Variants in DNAH12 observed in about 807,000 individuals in gnomAD.
DNAH12 encodes the protein axonemal beta dynein heavy chain 12.
In DNAH12, 285 loss-of-function variants were observed where a neutral mutation model predicts 371.5. The ratio of observed to expected loss-of-function variants is 0.77; its 90% confidence interval spans 0.70 to 0.85. DNAH12 has a LOEUF of 0.85. Ranked by LOEUF, DNAH12 falls within the 40% of genes least tolerant of loss-of-function variation. The pLI, the probability that DNAH12 is intolerant of heterozygous loss-of-function variation, is 0.00. For missense variants in DNAH12, 3,611 were observed against 3,689.4 expected, an observed-to-expected ratio of 0.98 and a Z score of 0.55; for synonymous variants, 1,200 against 1,213.0, an observed-to-expected ratio of 0.99 and a Z score of 0.22.
At chr3:57,455,070 T>G (rs891618223) in intron 22 of DNAH12, among the ~76,000 whole-genome samples, 176 bp from the exon 23 acceptor site, 8 of 152,074 alleles carry the variant, frequency 5.3e-5, no homozygotes, top group African/African-American at 1.9e-4. Flanking sequence ...TATTATTATG[T>G]TTTTGAAATA....
At chr3:57,348,375 T>C (rs965870161) in intron 60 of DNAH12, among the ~76,000 whole-genome samples, 6 of 152,082 alleles carry the variant, frequency 3.9e-5, no homozygotes, top group Admixed American at 6.6e-5. Flanking sequence ...GCTGAATAAA[T>C]AGAACACAGA....
chr3:57,514,026 G>A (rs139414381), intron 4 of DNAH12, among the ~76,000 whole-genome samples: 5 of 152,296 alleles, frequency 3.3e-5, no homozygotes, highest in Non-Finnish European at 7.4e-5. Context: ...CGTGTTCTGT[G>A]CAGCAATAGT....
chr3:57,341,536 C>A (rs978488170), intron 60 of DNAH12, among the ~76,000 whole-genome samples: 2 of 151,798 alleles, frequency 1.3e-5, no homozygotes, highest in African/African-American at 4.8e-5. Context: ...ATAAATTTAA[C>A]CAAGGAGGTG....
intron 60 of DNAH12, among the ~76,000 whole-genome samples, chr3:57,347,554 A>T (rs2062570741): frequency 6.6e-6 from 1 of 152,050 alleles, no homozygotes; most frequent in Non-Finnish European, 1.5e-5. Flanking sequence ...TGTCTCAATG[A>T]AAAATACAAA....
intron 45 of DNAH12, among the ~76,000 whole-genome samples, chr3:57,389,578 A>G (rs1461841148): frequency 1.3e-5 from 2 of 151,840 alleles, no homozygotes; most frequent in African/African-American, 4.8e-5. Flanking sequence ...AGCTATGGGC[A>G]TCACATTCTC....
rs764902218 is a variant in DNAH12, at chr3:57,471,555, C to T, written c.1828G>A (p.Glu610Lys). 4 of 1,548,100 alleles carry T rather than the reference C, an allele frequency of 2.6e-6. No homozygotes were observed. Among genetic ancestry groups the T allele is most frequent in the Non-Finnish European group, 3.5e-6 (4 of 1,146,296 alleles). Residue 610 changes from glutamate (E) to lysine (K), a missense_variant, in exon 15 of 74, where the codon GAG (glutamate) becomes AAG (lysine). This residue lies in a region of DNAH12 where 1,314 missense variants were observed against 1,398.7 expected (regional missense o/e 0.94). Transcript: ENST00000495027. Reference protein sequence around the residue: ...KKENELMAKREKLILEIEKES... With the variant: ...KKENELMAKRKKLILEIEKES... ...TTTTCTATTTCCAAAATAAGTTTCT[C>T]TCTCTTGGCCATTAGTTCATTTTCT...
At chr3:57,547,931 C>T (rs28879486), upstream of DNAH12, among the ~76,000 whole-genome samples, 37,370 of 152,052 alleles carry the variant, frequency 0.25, 6,441 homozygotes, top group African/African-American at 0.48. Flanking sequence ...TTTTATCCTT[C>T]TCATAAACCT....
At chr3:57,512,495 G>A (rs1389674900) in intron 4 of DNAH12, 1 of 152,202 alleles carries the variant, frequency 6.6e-6, no homozygotes, top group Middle Eastern at 3.2e-3. Flanking sequence ...ATGATACAGA[G>A]AAGATCAGCA....
At chr3:57,521,937 C>A (rs2068464089) in intron 4 of DNAH12, among the ~76,000 whole-genome samples, 2 of 151,304 alleles carry the variant, frequency 1.3e-5, no homozygotes, top group South Asian at 2.1e-4. Context: ...GAAAAAATAT[C>A]TTTTGGCCAG....
intron 17 of DNAH12, among the ~76,000 whole-genome samples, chr3:57,468,328 A>C (rs1415862712): frequency 6.6e-6 from 1 of 152,128 alleles, no homozygotes; most frequent in African/African-American, 2.4e-5. Flanking sequence ...ACCCTATCTA[A>C]AAAGTAATAA....
chr3:57,454,597 C>T (rs1336059174), intron 23 of DNAH12, among the ~76,000 whole-genome samples, 178 bp downstream of exon 23: 1 of 151,962 alleles, frequency 6.6e-6, no homozygotes, highest in East Asian at 1.9e-4. Flanking sequence ...GGGCCAGGCA[C>T]AGTGGCTCAT....
intron 60 of DNAH12, among the ~76,000 whole-genome samples, chr3:57,336,482 A>G (rs1195011331): frequency 7.2e-5 from 11 of 152,178 alleles, no homozygotes; most frequent in Admixed American, 1.3e-4. Context: ...AAAAAAACCT[A>G]AAGATAAAAA....
intron 60 of DNAH12, among the ~76,000 whole-genome samples, chr3:57,344,695 A>T (rs2062494365): frequency 6.6e-6 from 1 of 152,248 alleles, no homozygotes; most frequent in African/African-American, 2.4e-5. Flanking sequence ...AGGAACACAA[A>T]GTTAAACACC....
intron 25 of DNAH12, among the ~76,000 whole-genome samples, chr3:57,448,595 C>G (rs904760092): frequency 2.0e-5 from 3 of 152,166 alleles, no homozygotes; most frequent in African/African-American, 7.2e-5. Context: ...GCTTCCACAG[C>G]GTGGAATAGA....
chr3:57,313,521 G>A (rs1298251310), intron 66 of DNAH12, among the ~76,000 whole-genome samples: 2 of 152,084 alleles, frequency 1.3e-5, no homozygotes, highest in Non-Finnish European at 2.9e-5. Flanking sequence ...AAGCACAGTG[G>A]CACACAACTG....
chr3:57,318,923 T>C (rs2061743994), intron 65 of DNAH12, among the ~76,000 whole-genome samples: 1 of 152,144 alleles, frequency 6.6e-6, no homozygotes, highest in Non-Finnish European at 1.5e-5. Flanking sequence ...GGGATTTTGA[T>C]AGGGATTGCT....
chr3:57,436,905 G>T, intron 30 of DNAH12, 46 bp downstream of exon 30: 1 of 1,244,732 alleles, frequency 8.0e-7, no homozygotes, highest in Non-Finnish European at 1.1e-6. Context: ...TGTTTTACCA[G>T]CTTAATTAAG....
intron 11 of DNAH12, among the ~76,000 whole-genome samples, chr3:57,490,769 A>C (rs2067088972): frequency 6.6e-6 from 1 of 152,120 alleles, no homozygotes; most frequent in Non-Finnish European, 1.5e-5. Context: ...GACTATCTTA[A>C]GCACCTGCCT....
chr3:57,358,618 TATAA>T (rs1362494145), intron 58 of DNAH12, among the ~76,000 whole-genome samples: 1 of 152,164 alleles, frequency 6.6e-6, no homozygotes, highest in Non-Finnish European at 1.5e-5. Context: ...CAGTCCTAAC[TATAA>T]ATAAGTAAAA....
Sources: allele counts gnomAD v4.1 joint callset (sites outside exome capture counted in the v4.1 genomes callset), GRCh38; gene constraint gnomAD v4.1.1; regional missense constraint gnomAD v4.1.1; transcripts MANE v1.5; gene names NCBI Gene and HGNC (gene_info 2026-07-23, HGNC 2026-07-21).